NCKAP5: variants seen among roughly 807,000 people sequenced by gnomAD.
The protein encoded by NCKAP5 is NCK associated protein 5, also known as nck-associated protein 5.
Under a neutral mutation model 167.0 loss-of-function variants are expected in NCKAP5, and 92 were observed. The ratio of observed to expected loss-of-function variants is 0.55; its 90% confidence interval spans 0.47 to 0.66. NCKAP5 has a LOEUF of 0.66. Among genes scored for constraint, NCKAP5 ranks in the 30% least tolerant of loss-of-function variants. The pLI is 0.00. For missense variants in NCKAP5, 2,378 were observed against 2,315.0 expected, an observed-to-expected ratio of 1.03 and a Z score of -0.56; for synonymous variants, 891 against 877.4, an observed-to-expected ratio of 1.02 and a Z score of -0.27.
chr2:133,121,769 A>G (rs2082258953), intron 6 of NCKAP5, among the ~76,000 whole-genome samples: 1 of 150,206 alleles, frequency 6.7e-6, no homozygotes, highest in Non-Finnish European at 1.5e-5. Flanking sequence ...ACACTCTAAG[A>G]CCTGGACATG....
At chr2:133,303,333 A>G (rs1680536699) in intron 3 of NCKAP5, among the ~76,000 whole-genome samples, 1 of 152,190 alleles carries the variant, frequency 6.6e-6, no homozygotes, top group South Asian at 2.1e-4. Flanking sequence ...CTGTCATTAC[A>G]CTGAGTCAGC....
intron 4 of NCKAP5, among the ~76,000 whole-genome samples, chr2:133,283,044 A>G (rs989470608): frequency 1.3e-5 from 2 of 152,222 alleles, no homozygotes; most frequent in African/African-American, 4.8e-5. Flanking sequence ...CTACCTTAAC[A>G]TAAATCAGAA....
At chr2:133,363,901 C>T (rs1351634112) in intron 3 of NCKAP5, among the ~76,000 whole-genome samples, 1 of 152,178 alleles carries the variant, frequency 6.6e-6, no homozygotes, top group Admixed American at 6.5e-5. Context: ...ACATTATTTA[C>T]ATTTTGCTTC....
intron 4 of NCKAP5, among the ~76,000 whole-genome samples, chr2:133,239,900 T>A (rs572675404): frequency 5.3e-5 from 8 of 152,306 alleles, no homozygotes; most frequent in Non-Finnish European, 1.0e-4. Context: ...TGCTTTAGCT[T>A]TAACTATTAT....
rs72847258 is a variant in NCKAP5, at chr2:132,847,286, T to G, written c.807+13206A>C. On this transcript the variant is annotated intron_variant, in intron 11 of 19. Transcript: ENST00000409261. ...TTATTGGTAGTGCAATACATTGTAC[T>G]AAGTACCTTACATATGCTAACTCAC... Among the ~76,000 whole-genome samples, 1,178 of 152,336 alleles carry G rather than the reference T, an allele frequency of 7.7e-3. 5 individuals are homozygous for G. Among genetic ancestry groups the G allele is most frequent in the Non-Finnish European group, 0.013 (901 of 68,030 alleles).
chr2:132,875,928 G>A (rs192627645), intron 9 of NCKAP5, among the ~76,000 whole-genome samples: 117 of 152,284 alleles, frequency 7.7e-4, no homozygotes, highest in African/African-American at 2.6e-3. Flanking sequence ...GCAAGCCAGG[G>A]TGTATGTGTG....
rs527377234 is a variant in NCKAP5 at position 132,834,245 on chromosome 2, G to A, written c.807+26247C>T. On this transcript the variant is annotated intron_variant, in intron 11 of 19. Coordinates refer to ENST00000409261, the MANE Select transcript of NCKAP5 (RefSeq NM_207363.3). ...GGGTCTGACTTCTGTCACCAAAACT[G>A]AAGTGCAGTGGTGTAATCATAGCTC... Among the ~76,000 whole-genome samples the A allele has an allele frequency of 3.3e-5, 5 of 152,182 alleles. No individual in the cohort carries two copies. The South Asian group carries it at 1.0e-3, about 32-fold the overall frequency.
intron 4 of NCKAP5, among the ~76,000 whole-genome samples, chr2:133,269,305 G>C (rs1241790127): frequency 6.6e-6 from 1 of 152,166 alleles, no homozygotes; most frequent in African/African-American, 2.4e-5. Context: ...GAGTACATAA[G>C]TAAATTATAA....
At chr2:132,853,747 A>T (rs769299898) in intron 11 of NCKAP5, among the ~76,000 whole-genome samples, 1 of 152,202 alleles carries the variant, frequency 6.6e-6, no homozygotes, top group Non-Finnish European at 1.5e-5. Context: ...AACAATTCCA[A>T]GACAGAACCT....
intron 6 of NCKAP5, among the ~76,000 whole-genome samples, chr2:133,097,086 G>A (rs2081366862): frequency 2.0e-5 from 3 of 152,170 alleles, no homozygotes; most frequent in Non-Finnish European, 4.4e-5. Flanking sequence ...GCCTAGCTAA[G>A]TTTGAACTGA....
At chr2:132,744,183 C>G (rs796438378) in intron 16 of NCKAP5, among the ~76,000 whole-genome samples, 1 of 151,534 alleles carries the variant, frequency 6.6e-6, no homozygotes, top group Admixed American at 6.6e-5. Context: ...AAACTTTGAC[C>G]AATGTGAATT....
At chr2:133,432,412 C>T (rs533989806) in intron 3 of NCKAP5, among the ~76,000 whole-genome samples, 20 of 152,294 alleles carry the variant, frequency 1.3e-4, no homozygotes, top group African/African-American at 4.3e-4. Flanking sequence ...CCTGGTAGCA[C>T]GGATCACTGA....
chr2:133,138,214 C>T (rs569554669), intron 5 of NCKAP5, among the ~76,000 whole-genome samples: 46 of 152,048 alleles, frequency 3.0e-4, no homozygotes, highest in African/African-American at 9.2e-4. Context: ...AAGATTGATT[C>T]GATTATTCGA....
intron 8 of NCKAP5, among the ~76,000 whole-genome samples, chr2:132,913,419 T>G (rs1305925242): frequency 6.6e-6 from 1 of 152,084 alleles, no homozygotes; most frequent in East Asian, 1.9e-4. Context: ...TCTCAGTGAC[T>G]TGGTGCCCTC....
intron 3 of NCKAP5, among the ~76,000 whole-genome samples, chr2:133,351,465 T>C (rs1684356026): frequency 6.6e-6 from 1 of 152,056 alleles, no homozygotes; most frequent in African/African-American, 2.4e-5. Context: ...TCATCTACTC[T>C]ATAAAAGTCT....
chr2:133,172,950 G>T (rs763569354), intron 5 of NCKAP5, among the ~76,000 whole-genome samples: 11 of 152,124 alleles, frequency 7.2e-5, no homozygotes, highest in Non-Finnish European at 1.3e-4. Context: ...CTCCCAAAGA[G>T]CTGGGATTAC....
chr2:133,188,822 A>G (rs545902307), intron 5 of NCKAP5, among the ~76,000 whole-genome samples: 1 of 152,274 alleles, frequency 6.6e-6, no homozygotes, highest in South Asian at 2.1e-4. Flanking sequence ...AATGCCCACA[A>G]GAGAAAGCAG....
the NCKAP5 span, among the ~76,000 whole-genome samples, chr2:133,615,931 CA>C: frequency 9.9e-5 from 15 of 150,996 alleles, no homozygotes; most frequent in East Asian, 2.9e-3. Flanking sequence ...TGTAAAAGAA[CA>C]GAAATTATAA....
chr2:132,825,859 G>C (rs1363202223), intron 11 of NCKAP5, among the ~76,000 whole-genome samples: 1 of 152,190 alleles, frequency 6.6e-6, no homozygotes, highest in African/African-American at 2.4e-5. Flanking sequence ...AGGTTAATCT[G>C]GCTTGAAATG....
Sources: allele counts gnomAD v4.1 joint callset (sites outside exome capture counted in the v4.1 genomes callset), GRCh38; gene constraint gnomAD v4.1.1; transcripts MANE v1.5; gene names NCBI Gene and HGNC (gene_info 2026-07-23, HGNC 2026-07-21).